Variants in SLC71A1 observed in about 807,000 individuals in gnomAD.
The protein encoded by SLC71A1 is solute carrier family 71 member 1, also known as hippocampus abundant gene transcript 1.
the SLC71A1 span, among the ~76,000 whole-genome samples, chr1:100,053,849 A>G: frequency 6.6e-6 from 1 of 152,174 alleles, no homozygotes; most frequent in African/African-American, 2.4e-5. Context: ...TGTACTGACA[A>G]ATATTTTTAA....
chr1:100,073,484 G>C, the SLC71A1 span, among the ~76,000 whole-genome samples: 3 of 152,172 alleles, frequency 2.0e-5, no homozygotes, highest in Admixed American at 1.3e-4. Context: ...TCTTTCCCCA[G>C]ATCTTTGCAT....
chr1:100,074,341 A>G, the SLC71A1 span, among the ~76,000 whole-genome samples: 6 of 152,022 alleles, frequency 3.9e-5, no homozygotes, highest in African/African-American at 7.2e-5. Flanking sequence ...TTGGGAGGCC[A>G]AGGTGGGTGA....
the SLC71A1 span, among the ~76,000 whole-genome samples, chr1:100,078,076 C>T: frequency 1.3e-5 from 2 of 152,164 alleles, no homozygotes; most frequent in South Asian, 2.1e-4. Context: ...CAAATCCATC[C>T]ATAAGAACTT....
chr1:100,046,211 CGT>C, the SLC71A1 span, among the ~76,000 whole-genome samples: 1 of 69,462 alleles, frequency 1.4e-5, no homozygotes, highest in African/African-American at 4.3e-5. Flanking sequence ...CTCCAAGCCT[CGT>C]TTTTTTTTTT....
chr1:100,051,094 A>C, the SLC71A1 span, among the ~76,000 whole-genome samples: 9 of 147,246 alleles, frequency 6.1e-5, no homozygotes, highest in African/African-American at 2.2e-4. Context: ...TCAAAAAAAA[A>C]AAACAAAAAA....
chr1:100,075,433 G>A, the SLC71A1 span, among the ~76,000 whole-genome samples: 21 of 152,214 alleles, frequency 1.4e-4, no homozygotes, highest in South Asian at 3.5e-3. Context: ...GCTACCTTCC[G>A]GGATGTTCTT....
At chr1:100,057,330 G>T in the SLC71A1 span, among the ~76,000 whole-genome samples, 1 of 149,994 alleles carries the variant, frequency 6.7e-6, no homozygotes, top group Non-Finnish European at 1.5e-5. Flanking sequence ...TACAGTCTGC[G>T]ACTGTTTTTT....
At chr1:100,039,711 C>T in the SLC71A1 span, among the ~76,000 whole-genome samples, 1 of 152,082 alleles carries the variant, frequency 6.6e-6, no homozygotes, top group Admixed American at 6.5e-5. Flanking sequence ...ATTTTACATT[C>T]TTCATAAAAT....
the SLC71A1 span, among the ~76,000 whole-genome samples, chr1:100,052,825 C>T: frequency 5.0e-4 from 75 of 151,262 alleles, no homozygotes; most frequent in Non-Finnish European, 9.4e-4. Flanking sequence ...ACTCTGTTGC[C>T]CAGGCTGGAG....
chr1:100,075,437 T>C, the SLC71A1 span, among the ~76,000 whole-genome samples: 1 of 152,194 alleles, frequency 6.6e-6, no homozygotes, highest in Non-Finnish European at 1.5e-5. Context: ...CCTTCCGGGA[T>C]GTTCTTAAAA....
chr1:100,062,030 A>G, the SLC71A1 span: 1 of 795,126 alleles, frequency 1.3e-6, no homozygotes, highest in Non-Finnish European at 2.0e-6. Flanking sequence ...AAGGAGTGCA[A>G]ACCTTTGCAT....
At chr1:100,073,334 C>T in the SLC71A1 span, among the ~76,000 whole-genome samples, 2 of 152,132 alleles carry the variant, frequency 1.3e-5, no homozygotes. Context: ...CGCATCTTAC[C>T]TATAACTCAC....
At chr1:100,082,668 A>C in the SLC71A1 span, 1 of 154,814 alleles carries the variant, frequency 6.5e-6, no homozygotes, top group East Asian at 1.9e-4. Flanking sequence ...AATAATTCAA[A>C]GCCTTAATGC....
At chr1:100,071,315 AAG>A in the SLC71A1 span, among the ~76,000 whole-genome samples, 37 of 136,364 alleles carry the variant, frequency 2.7e-4, no homozygotes, top group African/African-American at 8.9e-4. Flanking sequence ...AAAAAAAAAA[AAG>A]AAAGAAAGCC....
chr1:100,073,030 T>C, the SLC71A1 span, among the ~76,000 whole-genome samples: 1 of 152,150 alleles, frequency 6.6e-6, no homozygotes, highest in African/African-American at 2.4e-5. Flanking sequence ...GCCACCCCTA[T>C]GCTCCTCATC....
the SLC71A1 span, among the ~76,000 whole-genome samples, chr1:100,046,331 A>G: frequency 7.2e-6 from 1 of 139,114 alleles, no homozygotes; most frequent in East Asian, 2.2e-4. Flanking sequence ...GGTTCAAGTG[A>G]TTCTCCTGCC....
the SLC71A1 span, chr1:100,068,174 G>A: frequency 6.2e-7 from 1 of 1,613,924 alleles, no homozygotes; most frequent in Non-Finnish European, 8.5e-7. Flanking sequence ...CCATTTCCTG[G>A]GAACAAGCTG....
At chr1:100,056,802 C>T in the SLC71A1 span, among the ~76,000 whole-genome samples, 1 of 152,110 alleles carries the variant, frequency 6.6e-6, no homozygotes, top group Non-Finnish European at 1.5e-5. Flanking sequence ...ATTTACATTC[C>T]CACCAACAGT....
the SLC71A1 span, among the ~76,000 whole-genome samples, chr1:100,056,392 A>G: frequency 6.6e-6 from 1 of 152,204 alleles, no homozygotes; most frequent in East Asian, 1.9e-4. Context: ...TTATCCTTTC[A>G]TTCATCTGTT....
Sources: gnomAD v4.1 joint callset for allele counts (sites outside exome capture counted in the v4.1 genomes callset) on GRCh38, gnomAD v4.1.1 for gene constraint, MANE v1.5 for transcripts, NCBI Gene and HGNC (gene_info 2026-07-23, HGNC 2026-07-21) for gene names.